The following GAB1 variants were observed in gnomAD, a reference collection of about 807,000 sequenced individuals.
GAB1 encodes the protein GRB2 associated binding protein 1.
In GAB1, 19 loss-of-function variants were observed where a neutral mutation model predicts 66.5. The observed-to-expected ratio is 0.29, with a 90% CI of 0.20 to 0.42. The LOEUF (loss-of-function observed/expected upper bound fraction) is 0.42. GAB1 is among the 10% of genes least tolerant of loss of function. GAB1 has a pLI of 1.00. For synonymous variants in GAB1, 294 were observed against 301.4 expected (o/e 0.98, Z 0.25); for missense variants, 732 against 858.5 (o/e 0.85, Z 1.84).
intron 2 of GAB1, among the ~76,000 whole-genome samples, chr4:143,417,712 G>T (rs61466473): frequency 0.023 from 3,473 of 152,164 alleles, 135 homozygotes; most frequent in African/African-American, 0.08. Context: ...CTGACCTCGG[G>T]CACTTTTTAA....
chr4:143,460,687 TA>T (rs74269683), intron 8 of GAB1, among the ~76,000 whole-genome samples, 200 bp downstream of exon 8: 60 of 146,514 alleles, frequency 4.1e-4, no homozygotes, highest in South Asian at 4.3e-4. Flanking sequence ...GTAAATGAGT[TA>T]AAAAAAAAAA....
intron 6 of GAB1, among the ~76,000 whole-genome samples, chr4:143,459,174 GA>G (rs1735353662): frequency 6.6e-6 from 1 of 152,076 alleles, no homozygotes; most frequent in African/African-American, 2.4e-5. Context: ...TAACAATCAT[GA>G]AACATCTGAT....
intron 1 of GAB1, among the ~76,000 whole-genome samples, chr4:143,389,470 C>T (rs765952113): frequency 3.3e-5 from 5 of 152,236 alleles, no homozygotes; most frequent in Non-Finnish European, 5.9e-5. Context: ...CAACAGCAGG[C>T]GCTTGTAGCA....
intron 1 of GAB1, among the ~76,000 whole-genome samples, chr4:143,386,058 G>T (rs1311134415): frequency 6.6e-6 from 1 of 152,146 alleles, no homozygotes; most frequent in East Asian, 1.9e-4. Context: ...GGGAGGATCA[G>T]TTTAGCCCAG....
intron 8 of GAB1, among the ~76,000 whole-genome samples, chr4:143,462,454 A>G (rs1055006252): frequency 6.6e-5 from 10 of 152,166 alleles, no homozygotes; most frequent in African/African-American, 2.4e-4. Context: ...AAAATTTTGG[A>G]AAGTCCCATA....
chr4:143,417,938 G>A (rs1227043280), intron 2 of GAB1, among the ~76,000 whole-genome samples: 1 of 151,854 alleles, frequency 6.6e-6, no homozygotes, highest in East Asian at 1.9e-4. Flanking sequence ...ATACCATAAG[G>A]AGTGGAAAAT....
At chr4:143,379,056 G>A (rs1396455365) in intron 1 of GAB1, among the ~76,000 whole-genome samples, 1 of 151,964 alleles carries the variant, frequency 6.6e-6, no homozygotes, top group Non-Finnish European at 1.5e-5. Flanking sequence ...AATGTGTTAT[G>A]AAAAAAAGGG....
intron 1 of GAB1, among the ~76,000 whole-genome samples, chr4:143,381,524 C>T (rs1730656743): frequency 6.6e-6 from 1 of 152,146 alleles, no homozygotes. Context: ...ATGTCTCCTA[C>T]TTTTAAGTCA....
Position 143,438,385 on chromosome 4 carries a change from C to T in GAB1, c.980C>T (p.Thr327Ile). ...ATTCCACGAACATTTCCAGAAGGAA[C>T]CTTGGGACAGACATCAAAGCTAGAC... is the stretch of plus-strand genomic sequence containing the variant. ...YQIPRTFPEG[T>I]LGQTSKLDTI... The change falls in exon 4 of 10, where the codon ACC becomes ATC. Residue 327 changes from threonine (T) to isoleucine (I), a missense_variant. By Grantham distance (89) the Thr-to-Ile change is moderately conservative (BLOSUM62 -1). Around this residue, in one of 4 missense-constraint regions of GAB1, gnomAD observed 427 missense variants for 420.6 expected, o/e 1.02. Transcript: ENST00000262994. 1 of 1,614,058 alleles carries T rather than the reference C, an allele frequency of 6.2e-7. No individual in the cohort carries two copies. Among genetic ancestry groups the T allele is most frequent in the Non-Finnish European group, 8.5e-7 (1 of 1,180,004 alleles).
intron 2 of GAB1, among the ~76,000 whole-genome samples, chr4:143,432,483 AAAAT>A (rs749314283): frequency 3.3e-5 from 5 of 152,208 alleles, no homozygotes; most frequent in Non-Finnish European, 7.3e-5. Flanking sequence ...GAAAAGAAGA[AAAAT>A]AAACTTCCAG....
intron 1 of GAB1, among the ~76,000 whole-genome samples, chr4:143,390,337 C>G (rs1731122045): frequency 6.6e-6 from 1 of 151,420 alleles, no homozygotes; most frequent in African/African-American, 2.4e-5. Flanking sequence ...TGTTTCTGCT[C>G]TGGGTTTATA....
rs1736034307 is a variant in GAB1 at position 143,470,729 on chromosome 4, T to G, written c.*1540T>G. 6.6e-6 allele frequency: 1 copy of G among 152,244 alleles called. No homozygotes were observed. The highest frequency in any genetic ancestry group is 1.5e-5 in the Non-Finnish European group (1 of 68,042). 9.4% of individuals were successfully genotyped at this position (152,244 alleles called of 1,614,324 possible). A position where few individuals can be genotyped will look rare whatever the true frequency, so the allele number is the denominator to read the frequency against. Reference sequence around the variant, plus strand: ...TGCCCACAGTTGAGGCATGACCCCCTCCATTCAGACCTCTAACTGTTGCCT... The same window carrying G: ...TGCCCACAGTTGAGGCATGACCCCCGCCATTCAGACCTCTAACTGTTGCCT... On this transcript the variant is annotated 3_prime_UTR_variant, in exon 10 of 10. Coordinates refer to ENST00000262994, the MANE Select transcript of GAB1 (RefSeq NM_002039.4).
intron 9 of GAB1, among the ~76,000 whole-genome samples, chr4:143,466,916 T>C: frequency 6.6e-6 from 1 of 152,216 alleles, no homozygotes; most frequent in East Asian, 1.9e-4. Flanking sequence ...AATTAGACAG[T>C]ATTATTACTG....
At chr4:143,385,548 G>T (rs758895047) in intron 1 of GAB1, among the ~76,000 whole-genome samples, 3 of 152,098 alleles carry the variant, frequency 2.0e-5, no homozygotes, top group Non-Finnish European at 4.4e-5. Context: ...CCTTCCTCTC[G>T]TTTCTCTGCC....
intron 1 of GAB1, among the ~76,000 whole-genome samples, chr4:143,372,765 T>C (rs1730189426): frequency 6.6e-6 from 1 of 152,204 alleles, no homozygotes; most frequent in South Asian, 2.1e-4. Context: ...ATGATAGCCT[T>C]GTAAACAGCT....
chr4:143,409,061 C>CTTAAG (rs1183313494), intron 1 of GAB1, among the ~76,000 whole-genome samples: 1 of 152,122 alleles, frequency 6.6e-6, no homozygotes, highest in Non-Finnish European at 1.5e-5. Context: ...TTTTCAAGTG[C>CTTAAG]TTAAGGGAAT....
chr4:143,397,296 A>G (rs11731500), intron 1 of GAB1, among the ~76,000 whole-genome samples: 2,348 of 152,358 alleles, frequency 0.015, 45 homozygotes, highest in South Asian at 0.029. Context: ...AGAGCACACA[A>G]AAAGGTTAAT....
At chr4:143,355,355 G>A (rs1196232128) in intron 1 of GAB1, among the ~76,000 whole-genome samples, 1 of 152,046 alleles carries the variant, frequency 6.6e-6, no homozygotes, top group Non-Finnish European at 1.5e-5. Context: ...CATTTCCAGA[G>A]CCTTTTAGCT....
chr4:143,440,018 A>G (rs1285757024), intron 5 of GAB1, 61 bp from the exon 6 acceptor site: 5 of 1,497,156 alleles, frequency 3.3e-6, no homozygotes, highest in African/African-American at 1.4e-5. Flanking sequence ...GTGACTTACA[A>G]TTGTGTTTTC....
Sources: allele counts gnomAD v4.1 joint callset (sites outside exome capture counted in the v4.1 genomes callset), GRCh38; gene constraint gnomAD v4.1.1; regional missense constraint gnomAD v4.1.1; transcripts MANE v1.5; gene names NCBI Gene and HGNC (gene_info 2026-07-23, HGNC 2026-07-21).